FBXW11: variants seen among roughly 807,000 people sequenced by gnomAD.
The protein encoded by FBXW11 is F-box and WD repeat domain containing 11.
In FBXW11, 19 loss-of-function variants were observed where a neutral mutation model predicts 77.6. The observed-to-expected ratio is 0.24, with a 90% CI of 0.17 to 0.36. The LOEUF (loss-of-function observed/expected upper bound fraction) is 0.36. Ranked by LOEUF, FBXW11 falls within the 10% of genes least tolerant of loss-of-function variation. The probability of loss-of-function intolerance (pLI) is 1.00; values close to 1 mark genes in which losing one functional copy is unlikely to be tolerated. For missense variants in FBXW11, 334 were observed against 704.2 expected (o/e 0.47, Z 5.95); for synonymous variants, 235 against 249.4 (o/e 0.94, Z 0.54).
chr5:171,884,964 C>G (rs1469199549), intron 7 of FBXW11, among the ~76,000 whole-genome samples: 2 of 152,140 alleles, frequency 1.3e-5, no homozygotes, highest in Non-Finnish European at 2.9e-5. Context: ...AGAAGGGAAG[C>G]GTTCTATAGT....
At chr5:171,985,568 C>G (rs1365157495) in intron 1 of FBXW11, among the ~76,000 whole-genome samples, 1 of 151,806 alleles carries the variant, frequency 6.6e-6, no homozygotes, top group Admixed American at 6.6e-5. Context: ...CCAGCCTGTG[C>G]AACACAGCAA....
At chr5:171,894,690 T>C (rs1459036655) in intron 6 of FBXW11, among the ~76,000 whole-genome samples, 2 of 3,814 alleles carry the variant, frequency 5.2e-4, no homozygotes, top group African/African-American at 6.1e-4. Flanking sequence ...ACCCAGGTCT[T>C]TTTTTTTTTT....
At chr5:171,905,977 T>G (rs901587082) in intron 4 of FBXW11, among the ~76,000 whole-genome samples, 1 of 152,174 alleles carries the variant, frequency 6.6e-6, no homozygotes, top group Non-Finnish European at 1.5e-5. Context: ...CATGCTGCTG[T>G]TGTTAATTAC....
chr5:171,924,374 T>C (rs1331772005), intron 2 of FBXW11, among the ~76,000 whole-genome samples: 2 of 152,150 alleles, frequency 1.3e-5, no homozygotes, highest in Non-Finnish European at 1.5e-5. Flanking sequence ...TAATCAAACA[T>C]TGCCTTTTCC....
intron 10 of FBXW11, among the ~76,000 whole-genome samples, chr5:171,871,074 CT>C (rs1422806699): frequency 1.3e-5 from 2 of 152,184 alleles, no homozygotes; most frequent in Non-Finnish European, 2.9e-5. Context: ...AGAAGCCTTA[CT>C]TTTTATTCTA....
At chr5:171,984,187 A>T (rs1236819810) in intron 1 of FBXW11, among the ~76,000 whole-genome samples, 1 of 152,228 alleles carries the variant, frequency 6.6e-6, no homozygotes, top group African/African-American at 2.4e-5. Flanking sequence ...GCTACAGGCA[A>T]GAGGAAGCCT....
At chr5:171,990,710 A>G (rs955151788) in intron 1 of FBXW11, among the ~76,000 whole-genome samples, 5 of 152,178 alleles carry the variant, frequency 3.3e-5, no homozygotes, top group African/African-American at 1.2e-4. Context: ...ACTGAGTCAT[A>G]TTTTACTTAA....
At chr5:171,961,543 G>A (rs550484281) in intron 1 of FBXW11, among the ~76,000 whole-genome samples, 11 of 152,260 alleles carry the variant, frequency 7.2e-5, no homozygotes, top group South Asian at 4.1e-4. Flanking sequence ...AGATCTAATA[G>A]ATCAGGAGGA....
intron 6 of FBXW11, among the ~76,000 whole-genome samples, chr5:171,891,900 A>ATAATG (rs761440873): frequency 2.7e-4 from 41 of 152,194 alleles, no homozygotes; most frequent in Non-Finnish European, 5.0e-4. Context: ...CGCCGTTTGC[A>ATAATG]CCCAAAACAT....
chr5:171,933,361 A>T (rs1316284799), intron 2 of FBXW11, among the ~76,000 whole-genome samples: 1 of 152,214 alleles, frequency 6.6e-6, no homozygotes, highest in African/African-American at 2.4e-5. Flanking sequence ...GGAAGGATGG[A>T]TAGGAAGCAC....
chr5:171,979,252 G>C (rs1441342150), intron 1 of FBXW11, among the ~76,000 whole-genome samples: 2 of 152,074 alleles, frequency 1.3e-5, no homozygotes, highest in African/African-American at 4.8e-5. Flanking sequence ...GGGAGGTCAA[G>C]GTATGAGCCA....
intron 3 of FBXW11, among the ~76,000 whole-genome samples, chr5:171,912,718 C>T (rs1170486023): frequency 6.6e-6 from 1 of 151,944 alleles, no homozygotes; most frequent in Non-Finnish European, 1.5e-5. Context: ...ACCACTCTGG[C>T]CAACATGGTG....
At chr5:171,919,518 T>C (rs1051095384) in intron 2 of FBXW11, among the ~76,000 whole-genome samples, 1 of 152,220 alleles carries the variant, frequency 6.6e-6, no homozygotes, top group East Asian at 1.9e-4. Flanking sequence ...ATTAAAAACA[T>C]GACCAACTAT....
At chr5:171,954,585 C>A (rs1763518742) in intron 2 of FBXW11, among the ~76,000 whole-genome samples, 1 of 152,146 alleles carries the variant, frequency 6.6e-6, no homozygotes, top group Non-Finnish European at 1.5e-5. Flanking sequence ...ACATCTGAGG[C>A]AAATGAAACA....
At chr5:171,980,868 G>A (rs1345423256) in intron 1 of FBXW11, among the ~76,000 whole-genome samples, 1 of 152,104 alleles carries the variant, frequency 6.6e-6, no homozygotes, top group Non-Finnish European at 1.5e-5. Context: ...GAAAATTCTT[G>A]GAATTGCCTG....
intron 2 of FBXW11, among the ~76,000 whole-genome samples, chr5:171,944,248 T>G (rs1762887312): frequency 6.6e-6 from 1 of 151,798 alleles, no homozygotes; most frequent in South Asian, 2.1e-4. Context: ...ATATATATAA[T>G]AATCCCAACT....
intron 2 of FBXW11, among the ~76,000 whole-genome samples, chr5:171,952,254 A>C (rs1488512432): frequency 6.6e-6 from 1 of 150,676 alleles, no homozygotes; most frequent in African/African-American, 2.4e-5. Context: ...AATAGCAACA[A>C]ATGTTCTCTC....
chr5:171,906,343 C>T (rs1312111239), intron 4 of FBXW11, among the ~76,000 whole-genome samples: 1 of 152,134 alleles, frequency 6.6e-6, no homozygotes, highest in Non-Finnish European at 1.5e-5. Context: ...ATGCCTTTCA[C>T]TTGGAAAACA....
intron 1 of FBXW11, among the ~76,000 whole-genome samples, chr5:171,974,932 C>T (rs1764741524): frequency 6.6e-6 from 1 of 152,140 alleles, no homozygotes; most frequent in Admixed American, 6.5e-5. Flanking sequence ...GTGGCTAGGA[C>T]TACAGGCACG....
Sources: allele counts gnomAD v4.1 joint callset (sites outside exome capture counted in the v4.1 genomes callset), GRCh38; gene constraint gnomAD v4.1.1; transcripts MANE v1.5; gene names NCBI Gene and HGNC (gene_info 2026-07-23, HGNC 2026-07-21).